ACSM6: variants seen among roughly 807,000 people sequenced by gnomAD.
The protein encoded by ACSM6 is acyl-coenzyme A synthetase ACSM6, mitochondrial.
In ACSM6, 35 loss-of-function variants were observed where a neutral mutation model predicts 51.1. The observed-to-expected ratio is 0.69, with a 90% CI of 0.52 to 0.91. The LOEUF is 0.91. ACSM6 is among the 40% of genes least tolerant of loss of function. The pLI, the probability that ACSM6 is intolerant of heterozygous loss-of-function variation, is 0.00. For missense variants in ACSM6, 509 were observed against 584.1 expected, an observed-to-expected ratio of 0.87 and a Z score of 1.32; for synonymous variants, 172 against 207.3, an observed-to-expected ratio of 0.83 and a Z score of 1.46.
chr10:95,207,339 T>A (rs747705857), exon 4 of ACSM6: 12 of 1,614,202 alleles, frequency 7.4e-6, no homozygotes, highest in Non-Finnish European at 1.0e-5. Context: ...CGTGTCCGAC[T>A]GCCCCACCTT....
At chr10:95,196,223 C>T (rs2034723619) in intron 2 of ACSM6, among the ~76,000 whole-genome samples, 1 of 152,188 alleles carries the variant, frequency 6.6e-6, no homozygotes, top group Non-Finnish European at 1.5e-5. Context: ...GGATTACAGA[C>T]AAAGGCCCAG....
chr10:95,197,559 T>C (rs982135661), intron 2 of ACSM6, among the ~76,000 whole-genome samples: 12 of 152,152 alleles, frequency 7.9e-5, no homozygotes, highest in East Asian at 1.9e-4. Context: ...AACATCTCAG[T>C]GGAGTAAAGA....
chr10:95,218,838 G>A (rs1421264874), intron 8 of ACSM6, among the ~76,000 whole-genome samples: 2 of 152,142 alleles, frequency 1.3e-5, no homozygotes, highest in Non-Finnish European at 2.9e-5. Context: ...GTACACTAGA[G>A]AGAGATTACT....
Position 95,214,977 on chromosome 10 carries a change from T to C in ACSM6, c.1119+2T>C. On this transcript the variant is annotated splice_donor_variant, in intron 8 of 10. Coordinates refer to ENST00000341686, the Ensembl canonical transcript of ACSM6. LOFTEE classifies it high-confidence loss of function. ...GAAGGCTATGGGCAGACGGAAACTG[T>C]AGGTTGATGCTGACTCACTATTTAG... 1.9e-6 allele frequency: 3 copies of C among 1,551,442 alleles called. No homozygotes were observed. The highest frequency in any genetic ancestry group is 2.6e-6 in the Non-Finnish European group (3 of 1,146,828).
At chr10:95,226,988 CTTTT>C (rs11342263) in intron 10 of ACSM6, among the ~76,000 whole-genome samples, 1 of 140,140 alleles carries the variant, frequency 7.1e-6, no homozygotes, top group Non-Finnish European at 1.6e-5. Flanking sequence ...TATATGACAA[CTTTT>C]TTTTTTTTTT....
chr10:95,201,988 G>A (rs971253733), exon 3 of ACSM6: 9 of 1,551,374 alleles, frequency 5.8e-6, no homozygotes, highest in South Asian at 1.2e-5. Context: ...TGCCTAGGAC[G>A]GACTCAGAGG....
chr10:95,205,314 A>G (rs1414143622), intron 3 of ACSM6, among the ~76,000 whole-genome samples: 1 of 152,098 alleles, frequency 6.6e-6, no homozygotes, highest in Non-Finnish European at 1.5e-5. Flanking sequence ...TAACTCATAT[A>G]TAACAGAAAT....
At position 95,227,747 on chromosome 10, in the gene ACSM6, G is replaced by A. The variant is rs138707659; in HGVS notation, c.1303-897G>A. Among the ~76,000 whole-genome samples, 239 of 152,304 alleles carry A rather than the reference G, an allele frequency of 1.6e-3. 1 individual carries two copies. Among genetic ancestry groups the A allele is most frequent in the Admixed American group, 3.0e-3 (46 of 15,304 alleles). On this transcript the variant is annotated intron_variant, in intron 10 of 10. Transcript: ENST00000341686. ...CTAAGAATCTGGACACATTGGTGACGTGGTCTCTATGGCAATGAGTCAAAT... is the reference window on the plus strand; with the variant it reads ...CTAAGAATCTGGACACATTGGTGACATGGTCTCTATGGCAATGAGTCAAAT...
At chr10:95,203,730 C>T (rs74150792) in intron 3 of ACSM6, among the ~76,000 whole-genome samples, 6,385 of 152,080 alleles carry the variant, frequency 0.042, 486 homozygotes, top group African/African-American at 0.14. Context: ...TCTTAGGATA[C>T]AGGCATATAT....
intron 2 of ACSM6, chr10:95,201,465 T>C (rs1185547603): frequency 4.4e-6 from 2 of 455,554 alleles, no homozygotes; most frequent in Non-Finnish European, 8.8e-6. Context: ...GCTCCATCCA[T>C]GTTGCTGCAA....
chr10:95,200,847 A>G lies in ACSM6; in HGVS notation c.193-1138A>G, dbSNP rs2034788123. On this transcript the variant is annotated intron_variant, in intron 2 of 10. Transcript: ENST00000341686. Reference sequence around the variant, plus strand: ...AGAGAGAGAGAGGACAGAAAGGAGGAAAAAAGGAATAAAGGAGGGAAAGAA... The same window carrying G: ...AGAGAGAGAGAGGACAGAAAGGAGGGAAAAAGGAATAAAGGAGGGAAAGAA... Among the ~76,000 whole-genome samples the G allele has an allele frequency of 2.0e-5, 3 of 151,916 alleles. No homozygotes were observed. In the South Asian group the frequency reaches 6.2e-4, roughly 32 times the overall value.
chr10:95,227,252 G>A lies in ACSM6; in HGVS notation c.1303-1392G>A, dbSNP rs547794692. On this transcript the variant is annotated intron_variant, in intron 10 of 10. Transcript: ENST00000341686. ...TCCACCTGCCTCAGCCTCCCAAAAT[G>A]CCAACAGCCACCGCACCCAGCCCTT... Among the ~76,000 whole-genome samples the A allele has an allele frequency of 9.2e-5, 14 of 152,204 alleles. No individual in the cohort carries two copies. In the East Asian group the frequency reaches 2.7e-3, roughly 29 times the overall value.
rs866586245 is a variant in ACSM6, at chr10:95,202,017, G to A, written c.225G>A (p.Trp75Ter). ...TCAGAGGGCCTTACCCCGCCCTCTG[G>A]AAGGTTAGTGCCAAAGGAGAAGAGG... The change falls in exon 3 of 11, where the codon TGG (tryptophan) becomes TGA (stop). Residue 75 changes from tryptophan to a stop codon, truncating the protein, a stop_gained. Transcript: ENST00000341686. LOFTEE classifies it high-confidence loss of function. 7 of 1,551,736 alleles carry A rather than the reference G, an allele frequency of 4.5e-6. No homozygotes were observed. Among genetic ancestry groups the A allele is most frequent in the Non-Finnish European group, 6.1e-6 (7 of 1,147,010 alleles).
chr10:95,224,837 T>G (rs763089287), intron 9 of ACSM6, among the ~76,000 whole-genome samples: 9 of 152,258 alleles, frequency 5.9e-5, no homozygotes, highest in Non-Finnish European at 1.2e-4. Context: ...TCTTTATATT[T>G]CTTTTCTTAT....
At chr10:95,224,617 C>T (rs552514718) in intron 9 of ACSM6, among the ~76,000 whole-genome samples, 2 of 152,198 alleles carry the variant, frequency 1.3e-5, no homozygotes, top group Non-Finnish European at 2.9e-5. Flanking sequence ...TCAGGCTGGT[C>T]TCGAACTCCC....
intron 2 of ACSM6, among the ~76,000 whole-genome samples, chr10:95,196,595 A>C (rs1028040534): frequency 5.3e-5 from 8 of 152,236 alleles, no homozygotes; most frequent in African/African-American, 1.9e-4. Flanking sequence ...ATTTTTATAG[A>C]TCATCCGATT....
intron 4 of ACSM6, among the ~76,000 whole-genome samples, chr10:95,208,933 T>TAAAAAAAAAAAAAAAAAAAAAAAAAAAA: frequency 2.9e-5 from 1 of 33,920 alleles, no homozygotes; most frequent in Non-Finnish European, 5.5e-5. Flanking sequence ...CAGGGATGTT[T>TAAAAAAAAAAAAAAAAAAAAAAAAAAAA]AAAAAAAAAA....
chr10:95,215,708 G>T (rs933601365), intron 8 of ACSM6, among the ~76,000 whole-genome samples: 1 of 152,192 alleles, frequency 6.6e-6, no homozygotes, highest in East Asian at 1.9e-4. Flanking sequence ...TGCTCAGGCT[G>T]CTGTAACAAA....
chr10:95,194,580 C>G lies in ACSM6; in HGVS notation c.95C>G (p.Thr32Ser), dbSNP rs1004167462. The stretch of plus-strand genomic sequence containing the variant: ...CCAAACCAAAAATGTGCTACTCAGA[C>G]CATCAGACCCCCTGACTCCAGGTGC... Residue 32 changes from threonine to serine, a missense_variant, in exon 2 of 11, where the codon ACC becomes AGC. By Grantham distance (58) the Thr-to-Ser change is moderately conservative. Coordinates refer to ENST00000341686, the Ensembl canonical transcript of ACSM6. 1 of 1,552,036 alleles carries G rather than the reference C, an allele frequency of 6.4e-7. No homozygotes were observed. The highest frequency in any genetic ancestry group is 8.7e-7 in the Non-Finnish European group (1 of 1,147,022).
Sources: gnomAD v4.1 joint callset for allele counts (sites outside exome capture counted in the v4.1 genomes callset) on GRCh38, gnomAD v4.1.1 for gene constraint, MANE v1.5 for transcripts, NCBI Gene and HGNC (gene_info 2026-07-23, HGNC 2026-07-21) for gene names.